Variants in GRID2 observed in about 807,000 individuals in gnomAD.
The protein encoded by GRID2 is glutamate ionotropic receptor delta type subunit 2, also known as glutamate receptor ionotropic, delta-2.
A neutral mutation model predicts 114.8 loss-of-function variants in GRID2; 33 were observed. The ratio of observed to expected loss-of-function variants is 0.29; its 90% confidence interval spans 0.22 to 0.38. The LOEUF is 0.38. Among genes scored for constraint, GRID2 ranks in the 10% least tolerant of loss-of-function variants. The pLI is 1.00. For missense variants in GRID2, 1,184 were observed against 1,257.7 expected, an observed-to-expected ratio of 0.94 and a Z score of 0.89; for synonymous variants, 505 against 449.9, an observed-to-expected ratio of 1.12 and a Z score of -1.55.
intron 2 of GRID2, among the ~76,000 whole-genome samples, chr4:92,873,461 T>C (rs972547071): frequency 6.6e-6 from 1 of 152,160 alleles, no homozygotes; most frequent in African/African-American, 2.4e-5. Context: ...TTAAATGTTA[T>C]ATTATTAAAA....
At chr4:93,396,060 T>C (rs1001951544) in intron 9 of GRID2, among the ~76,000 whole-genome samples, 11 of 151,984 alleles carry the variant, frequency 7.2e-5, no homozygotes, top group African/African-American at 2.2e-4. Flanking sequence ...ATTGAAACTA[T>C]AAATGAACAT....
At chr4:93,388,938 T>C (rs892694884) in intron 8 of GRID2, among the ~76,000 whole-genome samples, 2 of 152,130 alleles carry the variant, frequency 1.3e-5, no homozygotes, top group Non-Finnish European at 2.9e-5. Context: ...TGAGCTCCCT[T>C]TGAGGTATCT....
Position 93,180,598 on chromosome 4 carries a change from T to G in GRID2, c.736-26806T>G, listed in dbSNP as rs190588410. On this transcript the variant is annotated intron_variant, in intron 4 of 15. Coordinates refer to ENST00000282020, the MANE Select transcript of GRID2 (RefSeq NM_001510.4). Reference sequence around the variant, plus strand: ...TTTACCCAGAGTAGAGAAGAACTTCTGTCAAAATTGGAGTCTATCCTCTCA... The same window carrying G: ...TTTACCCAGAGTAGAGAAGAACTTCGGTCAAAATTGGAGTCTATCCTCTCA... 3.1e-3 allele frequency among the ~76,000 whole-genome samples: 465 copies of G among 152,304 alleles called. 1 individual carries two copies. The highest frequency in any genetic ancestry group is 5.2e-3 in the Non-Finnish European group (354 of 68,018).
intron 2 of GRID2, among the ~76,000 whole-genome samples, chr4:92,825,717 T>C (rs1295289572): frequency 6.6e-6 from 1 of 152,062 alleles, no homozygotes; most frequent in African/African-American, 2.4e-5. Flanking sequence ...AGAAACCATG[T>C]TGTCAAAATA....
intron 1 of GRID2, among the ~76,000 whole-genome samples, chr4:92,578,674 A>G (rs992234312): frequency 3.3e-5 from 5 of 152,042 alleles, no homozygotes; most frequent in African/African-American, 1.2e-4. Context: ...TCAGAAGTTC[A>G]AGACCAGTCT....
rs1439283111 is a variant in GRID2, at chr4:92,962,459, G to T, written c.245-122536G>T. On this transcript the variant is annotated intron_variant, in intron 2 of 15. Transcript: ENST00000282020. The stretch of plus-strand genomic sequence containing the variant: ...AATAGGATAGCTAGAATGGGCTGAC[G>T]TTGAGTATTTTCCTTCTCCCAGTTG... Among the ~76,000 whole-genome samples the T allele has an allele frequency of 2.0e-5, 3 of 151,764 alleles. No homozygotes were observed. In the East Asian group the frequency reaches 5.8e-4, roughly 29 times the overall value.
chr4:93,584,464 C>T, intron 13 of GRID2, among the ~76,000 whole-genome samples: 1 of 152,018 alleles, frequency 6.6e-6, no homozygotes, highest in East Asian at 1.9e-4. Context: ...ATTATACTAT[C>T]CCTCAATGGT....
At chr4:93,270,421 A>G (rs1221681733) in intron 8 of GRID2, among the ~76,000 whole-genome samples, 1 of 152,132 alleles carries the variant, frequency 6.6e-6, no homozygotes, top group Non-Finnish European at 1.5e-5. Context: ...CTATTCTCAA[A>G]TGTCCTTACA....
chr4:92,762,337 C>A (rs906840241), intron 2 of GRID2, among the ~76,000 whole-genome samples: 71 of 152,022 alleles, frequency 4.7e-4, no homozygotes, highest in African/African-American at 1.7e-3. Flanking sequence ...GAATGTAATG[C>A]ATTTCTTCCA....
intron 8 of GRID2, among the ~76,000 whole-genome samples, chr4:93,388,935 C>T (rs1022351525): frequency 2.6e-5 from 4 of 151,914 alleles, no homozygotes; most frequent in Non-Finnish European, 4.4e-5. Context: ...ATCTGAGCTC[C>T]CTTTGAGGTA....
chr4:92,944,709 T>C (rs1269731614), intron 2 of GRID2, among the ~76,000 whole-genome samples: 3 of 152,224 alleles, frequency 2.0e-5, no homozygotes, highest in Non-Finnish European at 4.4e-5. Flanking sequence ...ATTTCTAACA[T>C]ATTAGAATCT....
At chr4:92,853,535 A>G (rs1743972841) in intron 2 of GRID2, among the ~76,000 whole-genome samples, 1 of 151,808 alleles carries the variant, frequency 6.6e-6, no homozygotes, top group African/African-American at 2.4e-5. Context: ...CAGAATTTTG[A>G]CTCCATAAAA....
At chr4:92,324,425 A>G (rs1726480390) in intron 1 of GRID2, among the ~76,000 whole-genome samples, 1 of 151,966 alleles carries the variant, frequency 6.6e-6, no homozygotes, top group Non-Finnish European at 1.5e-5. Flanking sequence ...TTTGCTTGGG[A>G]ATATTTTAAA....
rs534710177 is a variant in GRID2, at chr4:92,356,074, T to C, written c.88+51330T>C. ...TAGATCTTATATTTATACTTGGTCA[T>C]AACATTTTATTTCTTTTATTGAGGA... is the stretch of plus-strand genomic sequence containing the variant. On this transcript the variant is annotated intron_variant, in intron 1 of 15. Coordinates refer to ENST00000282020, the MANE Select transcript of GRID2 (RefSeq NM_001510.4). Among the ~76,000 whole-genome samples the C allele has an allele frequency of 3.3e-5, 5 of 151,902 alleles. No homozygotes were observed. The South Asian group carries it at 8.3e-4, about 25-fold the overall frequency.
chr4:92,321,992 T>G (rs2110128338), intron 1 of GRID2, among the ~76,000 whole-genome samples: 1 of 152,276 alleles, frequency 6.6e-6, no homozygotes, highest in South Asian at 2.1e-4. Context: ...TATGGACTAT[T>G]GCAAATAAGG....
rs555409777 is a variant in GRID2, at chr4:93,368,033, T to A, written c.1246-27574T>A. On this transcript the variant is annotated intron_variant, in intron 8 of 15. Transcript: ENST00000282020. ...ATTTTACTTAAAGAGTCCATTTTTT[T>A]AATCACAAAATGGAATTCTATGAAG... Among the ~76,000 whole-genome samples, 20 of 152,282 alleles carry A rather than the reference T, an allele frequency of 1.3e-4. No homozygotes were observed. The South Asian group carries it at 1.7e-3, about 13-fold the overall frequency.
At chr4:92,842,016 T>C (rs1742934829) in intron 2 of GRID2, among the ~76,000 whole-genome samples, 1 of 152,116 alleles carries the variant, frequency 6.6e-6, no homozygotes, top group Non-Finnish European at 1.5e-5. Flanking sequence ...TACTACCAAA[T>C]TGCAGTGTTT....
chr4:92,834,785 A>T (rs1742341088), intron 2 of GRID2, among the ~76,000 whole-genome samples: 1 of 152,148 alleles, frequency 6.6e-6, no homozygotes, highest in South Asian at 2.1e-4. Flanking sequence ...TGAGGCCTGT[A>T]ATACTTACTT....
At chr4:93,078,327 T>C (rs2149314190) in intron 2 of GRID2, among the ~76,000 whole-genome samples, 1 of 152,282 alleles carries the variant, frequency 6.6e-6, no homozygotes, top group Non-Finnish European at 1.5e-5. Flanking sequence ...GTTTTTGGGC[T>C]ATCATAGAAT....
Sources: gnomAD v4.1 joint callset for allele counts (sites outside exome capture counted in the v4.1 genomes callset) on GRCh38, gnomAD v4.1.1 for gene constraint, MANE v1.5 for transcripts, NCBI Gene and HGNC (gene_info 2026-07-23, HGNC 2026-07-21) for gene names.